ZNF676: variants seen among roughly 807,000 people sequenced by gnomAD.
ZNF676 encodes the protein zinc finger protein 676.
A neutral mutation model predicts 6.0 loss-of-function variants in ZNF676; 4 were observed. The ratio of observed to expected loss-of-function variants is 0.67; its 90% CI spans 0.33 to 1.53. ZNF676 has a LOEUF of 1.53. Ranked by LOEUF, ZNF676 falls within the 40% of genes most tolerant of loss-of-function variation. The pLI, the probability that ZNF676 is intolerant of heterozygous loss-of-function variation, is 0.06. For synonymous variants in ZNF676, 198 were observed against 223.1 expected (o/e 0.89, Z 1.00); for missense variants, 644 against 679.7 (o/e 0.95, Z 0.58).
chr19:22,250,974 A>G, the ZNF676 span, among the ~76,000 whole-genome samples: 1 of 152,114 alleles, frequency 6.6e-6, no homozygotes, highest in Non-Finnish European at 1.5e-5. Context: ...GGTCTCCCAT[A>G]GTGCTGGGAT....
At chr19:22,182,053 T>C (rs1228112462) in intron 2 of ZNF676, among the ~76,000 whole-genome samples, 1 of 152,120 alleles carries the variant, frequency 6.6e-6, no homozygotes, top group Admixed American at 6.6e-5. Context: ...CATGGTGGTA[T>C]ACTTTGAAAT....
the ZNF676 span, among the ~76,000 whole-genome samples, chr19:22,222,963 A>G: frequency 6.6e-6 from 1 of 152,202 alleles, no homozygotes; most frequent in Non-Finnish European, 1.5e-5. Context: ...GGGTCTTCCC[A>G]GGTCACTGTG....
the ZNF676 span, among the ~76,000 whole-genome samples, chr19:22,246,389 C>T: frequency 6.6e-6 from 1 of 151,840 alleles, no homozygotes; most frequent in African/African-American, 2.4e-5. Context: ...GTTACATTAC[C>T]TGGGTACTTG....
At chr19:22,253,061 C>T in the ZNF676 span, among the ~76,000 whole-genome samples, 1 of 152,130 alleles carries the variant, frequency 6.6e-6, no homozygotes, top group Non-Finnish European at 1.5e-5. Context: ...GCCTCAATCC[C>T]TCCTACAGAC....
chr19:22,201,226 A>C (rs2024022788), upstream of ZNF676, among the ~76,000 whole-genome samples: 1 of 152,174 alleles, frequency 6.6e-6, no homozygotes, highest in Non-Finnish European at 1.5e-5. Context: ...TTGTGGCCTT[A>C]AGATGATTGT....
intron 2 of ZNF676, among the ~76,000 whole-genome samples, chr19:22,190,726 T>G (rs934515832): frequency 1.4e-4 from 19 of 138,998 alleles, no homozygotes; most frequent in African/African-American, 3.3e-4. Flanking sequence ...TAATTATTAC[T>G]GTAAACTAAT....
intron 2 of ZNF676, among the ~76,000 whole-genome samples, chr19:22,190,331 G>A (rs559147277): frequency 1.3e-5 from 2 of 151,686 alleles, no homozygotes; most frequent in Admixed American, 6.6e-5. Context: ...ACTCGAGCAC[G>A]CTCTTATGCA....
At position 22,184,755 on chromosome 19, in the gene ZNF676, G is replaced by T. The variant is rs193149103; in HGVS notation, c.131-3169C>A. Among the ~76,000 whole-genome samples the T allele has an allele frequency of 8.8e-5, 13 of 147,986 alleles. No homozygotes were observed. In the East Asian group the frequency reaches 2.4e-3, roughly 28 times the overall value. On this transcript the variant is annotated intron_variant, in intron 2 of 2. Coordinates refer to ENST00000397121, the MANE Select transcript of ZNF676 (RefSeq NM_001001411.3). ...TAAAGCCACCCAGAAGATTGAACTG[G>T]GTGGAGCCCACCGCAGCTAGCAAGA...
chr19:22,212,862 G>A (rs147842929), intron 1 of ZNF676, among the ~76,000 whole-genome samples: 5 of 152,040 alleles, frequency 3.3e-5, no homozygotes, highest in South Asian at 2.1e-4. Context: ...AGGCATGTGG[G>A]TGCACGCCTG....
the ZNF676 span, among the ~76,000 whole-genome samples, chr19:22,241,889 G>C: frequency 6.6e-6 from 1 of 151,758 alleles, no homozygotes; most frequent in Non-Finnish European, 1.5e-5. Flanking sequence ...TGAAGTTCAA[G>C]AACTCTCCAG....
At chr19:22,191,039 T>C (rs4614861) in intron 2 of ZNF676, among the ~76,000 whole-genome samples, 67,869 of 151,898 alleles carry the variant, frequency 0.45, 16,313 homozygotes, top group African/African-American at 0.63. Flanking sequence ...AATGAGAGAA[T>C]CAGACATCAT....
In ZNF676 at chr19:22,180,507, A is replaced by G; in HGVS notation, c.1210T>C (p.Ser404Pro). 6.2e-7 allele frequency: 1 copy of G among 1,602,674 alleles called. No individual in the cohort carries two copies. Among genetic ancestry groups the G allele is most frequent in the Non-Finnish European group, 8.5e-7 (1 of 1,177,228 alleles). The change falls in exon 3 of 3, where the codon TCA becomes CCA. Residue 404 changes from serine to proline, a missense_variant. Transcript: ENST00000397121. ...KCEECGKASN[S>P]SSKLMEHKRI... ...TTATGTTCCATGAGCTTTGAGGATG[A>G]GTTGGAAGCTTTGCCACATTCTTCA...
At chr19:22,208,327 T>G (rs1187837316) in intron 1 of ZNF676, among the ~76,000 whole-genome samples, 1 of 146,962 alleles carries the variant, frequency 6.8e-6, no homozygotes, top group Non-Finnish European at 1.5e-5. Context: ...GAGACAAACA[T>G]GTGGCTAACA....
the ZNF676 span, among the ~76,000 whole-genome samples, chr19:22,253,320 G>T: frequency 2.7e-5 from 4 of 147,586 alleles, no homozygotes. Context: ...GACACCCTTT[G>T]TATCACCTGA....
At chr19:22,242,408 G>T in the ZNF676 span, among the ~76,000 whole-genome samples, 1 of 151,908 alleles carries the variant, frequency 6.6e-6, no homozygotes, top group Non-Finnish European at 1.5e-5. Flanking sequence ...TTTTCCCTGT[G>T]GGCAAAGTGG....
upstream of ZNF676, among the ~76,000 whole-genome samples, chr19:22,201,731 C>CAAAAAAA (rs35526921): frequency 1.3e-4 from 10 of 76,228 alleles, no homozygotes; most frequent in African/African-American, 2.6e-4. Flanking sequence ...TTTGTAAAGG[C>CAAAAAAA]AAAAAAAAAA....
chr19:22,193,560 T>C (rs1239566206), intron 1 of ZNF676, among the ~76,000 whole-genome samples: 2 of 152,118 alleles, frequency 1.3e-5, no homozygotes, highest in Non-Finnish European at 2.9e-5. Context: ...ATTAAAAAGA[T>C]AATTTCTTCC....
intron 2 of ZNF676, among the ~76,000 whole-genome samples, chr19:22,182,424 T>C (rs1269815568): frequency 6.6e-6 from 1 of 151,736 alleles, no homozygotes; most frequent in South Asian, 2.1e-4. Flanking sequence ...ATTGAAAATG[T>C]ATATACTAAT....
chr19:22,243,990 A>C, the ZNF676 span: 1 of 152,056 alleles, frequency 6.6e-6, no homozygotes, highest in South Asian at 2.1e-4. Flanking sequence ...TGTGCCACCC[A>C]AATGGTTTAT....
Sources: allele counts gnomAD v4.1 joint callset (sites outside exome capture counted in the v4.1 genomes callset), GRCh38; gene constraint gnomAD v4.1.1; transcripts MANE v1.5; gene names NCBI Gene and HGNC (gene_info 2026-07-23, HGNC 2026-07-21).